NTN5: variants seen among roughly 807,000 people sequenced by gnomAD.
NTN5 encodes the protein netrin-5.
In NTN5, 42 loss-of-function variants were observed where a neutral mutation model predicts 38.7. The ratio of observed to expected loss-of-function variants is 1.08; its 90% CI spans 0.85 to 1.40. The LOEUF (loss-of-function observed/expected upper bound fraction) is 1.40, where lower values mean the gene tolerates loss of function less well. Among genes scored for constraint, NTN5 ranks in the 40% most tolerant of loss-of-function variants. The pLI, the probability that NTN5 is intolerant of heterozygous loss-of-function variation, is 0.00. For missense variants in NTN5, 658 were observed against 716.5 expected, an observed-to-expected ratio of 0.92 and a Z score of 0.93; for synonymous variants, 329 against 303.9, an observed-to-expected ratio of 1.08 and a Z score of -0.86.
At position 48,663,454 on chromosome 19, in the gene NTN5, A is replaced by G; in HGVS notation, c.1105+9T>C. On this transcript the variant is annotated intron_variant, in intron 6 of 6. Transcript: ENST00000270235. ...GTAGCCTTCAGCTGTCTGTCTCCCC[A>G]GCACTCACCATGGTCCTGCTGGCAG... 6.2e-7 allele frequency: 1 copy of G among 1,612,996 alleles called. No individual in the cohort carries two copies. Among genetic ancestry groups the G allele is most frequent in the Non-Finnish European group, 8.5e-7 (1 of 1,178,934 alleles).
chr19:48,670,557 C>G lies in NTN5; in HGVS notation c.430G>C (p.Gly144Arg), dbSNP rs2031931979. ...CCAGCTGCCGCTAGCCCGGCCTGGC[C>G]CCCAAACTCCACACGGAGGTGGCTG... is the stretch of plus-strand genomic sequence containing the variant. The part of the protein sequence containing the change: ...AASHLRVEFG[G>R]QAGLAAAGLR... Residue 144 changes from glycine to arginine, a missense_variant, in exon 2 of 7, where the codon GGC (glycine) becomes CGC (arginine). By Grantham distance (125) the Gly-to-Arg change is moderately radical (BLOSUM62 -2). Transcript: ENST00000270235. 1 of 1,533,256 alleles carries G rather than the reference C, an allele frequency of 6.5e-7. No homozygotes were observed. Among genetic ancestry groups the G allele is most frequent in the Non-Finnish European group, 8.8e-7 (1 of 1,138,922 alleles). 95.0% of individuals were successfully genotyped at this position (1,533,256 alleles called of 1,614,324 possible).
At position 48,662,016 on chromosome 19, in the gene NTN5, G is replaced by T; in HGVS notation, c.1131C>A (p.Ser377=). Residue 377 remains serine (S), a synonymous_variant, in exon 7 of 7, where the codon TCC becomes TCA. Transcript: ENST00000270235. ...GCTGCCATGCCGGGCCCGCCGCCTC[G>T]GACGCTAGCACCTGCGCGCGGAGAA... ...DHVLRAQVLA[S]EAAGPAWQRL... 1 of 1,485,804 alleles carries T rather than the reference G, an allele frequency of 6.7e-7. No individual in the cohort carries two copies. The highest frequency in any genetic ancestry group is 8.9e-7 in the Non-Finnish European group (1 of 1,125,950). The allele number at this position is 1,485,804 out of a possible 1,614,324, so 92.0% of individuals were successfully genotyped here. A position where few individuals can be genotyped will look rare whatever the true frequency, so the allele number is the denominator to read the frequency against.
intron 2 of NTN5, chr19:48,667,449 T>A: frequency 2.7e-6 from 1 of 371,722 alleles, no homozygotes; most frequent in Non-Finnish European, 5.5e-6. Context: ...GAAGGCTGCC[T>A]CATCCTCAGG....
In NTN5 at chr19:48,662,001, C is replaced by T. The variant is rs553841906; in HGVS notation, c.1146G>A (p.Pro382=). ...CGCGCACGGCCAGCCGCTGCCATGC[C>T]GGGCCCGCCGCCTCGGACGCTAGCA... The part of the protein sequence containing the change: ...AQVLASEAAG[P]AWQRLAVRVL... Residue 382 remains proline (P), a synonymous_variant, in exon 7 of 7, where the codon CCG becomes CCA. Coordinates refer to ENST00000270235, the MANE Select transcript of NTN5 (RefSeq NM_145807.4). The T allele has an allele frequency of 1.1e-5, 17 of 1,487,760 alleles. No homozygotes were observed. The African/African-American group carries it at 1.9e-4, about 17-fold the overall frequency. The allele number at this position is 1,487,760 out of a possible 1,614,324, so 92.2% of individuals were successfully genotyped here. A position where few individuals can be genotyped will look rare whatever the true frequency, so the allele number is the denominator to read the frequency against.
intron 2 of NTN5, among the ~76,000 whole-genome samples, chr19:48,665,056 G>T (rs1407367366): frequency 6.6e-6 from 1 of 151,094 alleles, no homozygotes; most frequent in East Asian, 2.0e-4. Context: ...GGAACTACAG[G>T]CACGTGCCAC....
Position 48,661,911 on chromosome 19 carries a change from G to A in NTN5, c.1236C>T (p.Pro412=), listed in dbSNP as rs1332147467. The A allele has an allele frequency of 3.7e-6, 5 of 1,360,454 alleles. No individual in the cohort carries two copies. Among genetic ancestry groups the A allele is most frequent in the Non-Finnish European group, 4.7e-6 (5 of 1,060,024 alleles). 84.3% of individuals were successfully genotyped at this position (1,360,454 alleles called of 1,614,324 possible). A position where few individuals can be genotyped will look rare whatever the true frequency, so the allele number is the denominator to read the frequency against. ...GGCAGCCGCAGGTCAGGTCGGCGCG[G>A]GGCACCCAGGCGTCCTGGTCGCCGC... The part of the protein sequence containing the change: ...VRRGDQDAWV[P]RADLTCGCLR... The change falls in exon 7 of 7, where the codon CCC becomes CCT. Residue 412 remains proline, a synonymous_variant. Transcript: ENST00000270235.
At chr19:48,669,414 C>T (rs866298945) in intron 2 of NTN5, among the ~76,000 whole-genome samples, 1 of 10,186 alleles carries the variant, frequency 9.8e-5, no homozygotes, top group Non-Finnish European at 2.2e-4. Flanking sequence ...ACCATCACCA[C>T]CACCATCACC....
chr19:48,663,465 T>G lies in NTN5; in HGVS notation c.1103A>C (p.His368Pro). The change falls in exon 6 of 7, where the codon CAT (histidine) becomes CCT (proline). Residue 368 changes from histidine (H) to proline (P), a missense_variant and splice_region_variant. Transcript: ENST00000270235. The part of the protein sequence containing the change: ...MSLRRYCQQD[H>P]VLRAQVLASE... ...CTGTCTGTCTCCCCAGCACTCACCA[T>G]GGTCCTGCTGGCAGTACCTCCGAAG... 1 of 1,613,412 alleles carries G rather than the reference T, an allele frequency of 6.2e-7. No homozygotes were observed. The highest frequency in any genetic ancestry group is 1.7e-5 in the Admixed American group (1 of 60,016).
chr19:48,663,557 G>A lies in NTN5; in HGVS notation c.1025-14C>T. 6.2e-7 allele frequency: 1 copy of A among 1,613,718 alleles called. No individual in the cohort carries two copies. Reference sequence around the variant, plus strand: ...GACACTGAGGGTCTGGGGAGGGTCAGGCTGTCTGCAGTGGGCTCCTGGGGC... The same window carrying A: ...GACACTGAGGGTCTGGGGAGGGTCAAGCTGTCTGCAGTGGGCTCCTGGGGC... On this transcript the variant is annotated splice_polypyrimidine_tract_variant and intron_variant, in intron 5 of 6. Transcript: ENST00000270235.
chr19:48,663,145 G>C (rs2031593129), intron 6 of NTN5: 1 of 498,712 alleles, frequency 2.0e-6, no homozygotes, highest in Non-Finnish European at 3.9e-6. Flanking sequence ...AGGGAGGACA[G>C]GGCAAGAGTT....
chr19:48,667,294 T>G (rs1309171808), intron 2 of NTN5: 4 of 252,860 alleles, frequency 1.6e-5, no homozygotes, highest in African/African-American at 9.2e-5. Context: ...GGCATTAGTC[T>G]CACCTGGCCA....
intron 2 of NTN5, among the ~76,000 whole-genome samples, chr19:48,668,001 GTC>G (rs1323646921): frequency 2.0e-5 from 3 of 152,164 alleles, no homozygotes; most frequent in Non-Finnish European, 4.4e-5. Flanking sequence ...TGTACCAAGT[GTC>G]TCAGGCTGGA....
chr19:48,669,207 T>TCAC lies in NTN5; in HGVS notation c.631+1146_631+1148dup, dbSNP rs1158545294. Among the ~76,000 whole-genome samples, 16 of 8,506 alleles carry TCAC rather than the reference T, an allele frequency of 1.9e-3. 2 individuals are homozygous for TCAC. The highest frequency in any genetic ancestry group is 2.5e-3 in the Non-Finnish European group (13 of 5,234). The allele number at this position is 8,506 out of a possible 152,430, so 5.6% of individuals were successfully genotyped here. A position where few individuals can be genotyped will look rare whatever the true frequency, so the allele number is the denominator to read the frequency against. The stretch of plus-strand genomic sequence containing the variant: ...ACCACCATCATCACCACCATCACCA[T>TCAC]CACCACCACCACCACCACGACCATC... On this transcript the variant is annotated intron_variant, in intron 2 of 6. Coordinates refer to ENST00000270235, the MANE Select transcript of NTN5 (RefSeq NM_145807.4).
chr19:48,669,555 TCAC>T (rs1398894123), intron 2 of NTN5, among the ~76,000 whole-genome samples: 24 of 1,998 alleles, frequency 0.012, 1 homozygote, highest in Admixed American at 0.029. Flanking sequence ...ACCACCACCA[TCAC>T]CACCACCATC....
chr19:48,666,051 C>T (rs1296664427), intron 2 of NTN5, among the ~76,000 whole-genome samples: 4 of 152,246 alleles, frequency 2.6e-5, no homozygotes, highest in Non-Finnish European at 5.9e-5. Flanking sequence ...AGCATTCGTA[C>T]GTGCAGGACA....
rs2031615461 is a variant in NTN5, at chr19:48,663,822, A to T, written c.971-8T>A. 1 of 1,613,126 alleles carries T rather than the reference A, an allele frequency of 6.2e-7. No individual in the cohort carries two copies. Among genetic ancestry groups the T allele is most frequent in the African/African-American group, 1.3e-5 (1 of 74,992 alleles). On this transcript the variant is annotated splice_region_variant and splice_polypyrimidine_tract_variant and intron_variant, in intron 4 of 6. Transcript: ENST00000270235. ...TTGTTGCCTCTGGAATTCCTGTGAG[A>T]CCAAAGGAGAAATTAACCTCTTAGT...
chr19:48,669,540 TCACCACCACCAC>T (rs1568452217), intron 2 of NTN5, among the ~76,000 whole-genome samples: 1 of 8,166 alleles, frequency 1.2e-4, no homozygotes. Flanking sequence ...ACCACCACCA[TCACCACCACCAC>T]CATCACCACC....
chr19:48,663,730 A>G (rs1459272926), intron 5 of NTN5, 31 bp downstream of exon 5: 1 of 1,609,678 alleles, frequency 6.2e-7, no homozygotes, highest in South Asian at 1.1e-5. Flanking sequence ...CCCACTTGCC[A>G]CTCAGGGACC....
chr19:48,670,580 C>T lies in NTN5; in HGVS notation c.407G>A (p.Ser136Asn), dbSNP rs2031932725. The change falls in exon 2 of 7, where the codon AGC becomes AAC. Residue 136 changes from serine to asparagine, a missense_variant. Ser to Asn is a conservative substitution (Grantham distance 46, BLOSUM62 1). Coordinates refer to ENST00000270235, the MANE Select transcript of NTN5 (RefSeq NM_145807.4). Reference protein sequence around the residue: ...TPGPKATVAASHLRVEFGGQA... With the variant: ...TPGPKATVAANHLRVEFGGQA... ...GCCCCCAAACTCCACACGGAGGTGGCTGGCCGCCACAGTGGCCTTAGGACC... is the reference window on the plus strand; with the variant it reads ...GCCCCCAAACTCCACACGGAGGTGGTTGGCCGCCACAGTGGCCTTAGGACC... The T allele has an allele frequency of 6.4e-7, 1 of 1,569,064 alleles. No individual in the cohort carries two copies.
Sources: allele counts gnomAD v4.1 joint callset (sites outside exome capture counted in the v4.1 genomes callset), GRCh38; gene constraint gnomAD v4.1.1; transcripts MANE v1.5; gene names NCBI Gene and HGNC (gene_info 2026-07-23, HGNC 2026-07-21).